The following BCAP29 variants were observed in gnomAD, a reference collection of about 807,000 sequenced individuals.
BCAP29 encodes B cell receptor associated protein 29.
In BCAP29, 34 loss-of-function variants were observed where a neutral mutation model predicts 31.8. The observed-to-expected ratio is 1.07, with a 90% CI of 0.81 to 1.42. The LOEUF (loss-of-function observed/expected upper bound fraction) is 1.42. Among genes scored for constraint, BCAP29 ranks in the 40% most tolerant of loss-of-function variants. The probability of loss-of-function intolerance (pLI) is 0.00; values close to 1 mark genes in which losing one functional copy is unlikely to be tolerated. For synonymous variants in BCAP29, 104 were observed against 91.3 expected (o/e 1.14, Z -0.79); for missense variants, 314 against 269.2 (o/e 1.17, Z -1.16).
intron 6 of BCAP29, among the ~76,000 whole-genome samples, chr7:107,601,458 C>G (rs1811161367): frequency 6.6e-6 from 1 of 152,002 alleles, no homozygotes; most frequent in Non-Finnish European, 1.5e-5. Context: ...CACGTTCCTC[C>G]TTATTATTTC....
intron 6 of BCAP29, among the ~76,000 whole-genome samples, chr7:107,603,122 G>T (rs530909464): frequency 6.6e-6 from 1 of 151,450 alleles, no homozygotes; most frequent in Non-Finnish European, 1.5e-5. Flanking sequence ...GGCGCCTGCC[G>T]CCACGCCTGG....
Position 107,591,641 on chromosome 7 carries a change from T to TACACACACACACACACACACACACACAC in BCAP29, c.194-2298_194-2297insACACACACACACACACACACACACACAC, listed in dbSNP as rs924671499. Among the ~76,000 whole-genome samples the TACACACACACACACACACACACACACAC allele has an allele frequency of 7.8e-3, 326 of 41,654 alleles. 7 individuals carry two copies. The highest frequency in any genetic ancestry group is 8.1e-3 in the African/African-American group (155 of 19,054). The allele number at this position is 41,654 out of a possible 152,430, so 27.3% of individuals were successfully genotyped here. A position where few individuals can be genotyped will look rare whatever the true frequency, so the allele number is the denominator to read the frequency against. Reference sequence around the variant, plus strand: ...TGTACCACTTTTCCCCATACACACATACACACACACACACACCCTATTGGT... The same window carrying TACACACACACACACACACACACACACAC: ...TGTACCACTTTTCCCCATACACACATACACACACACACACACACACACACACACACACACACACACACACCCTATTGGT... On this transcript the variant is annotated intron_variant, in intron 3 of 7. Coordinates refer to ENST00000005259, the MANE Select transcript of BCAP29 (RefSeq NM_018844.4).
intron 5 of BCAP29, among the ~76,000 whole-genome samples, chr7:107,598,507 T>C (rs534238687): frequency 6.6e-6 from 1 of 152,314 alleles, no homozygotes; most frequent in Admixed American, 6.5e-5. Context: ...GGTCTTGTGC[T>C]ACAGTTTTTA....
In BCAP29 at chr7:107,620,357, C is replaced by G. The variant is rs1213793762; in HGVS notation, c.*1994C>G. 1.3e-5 allele frequency: 2 copies of G among 152,160 alleles called. No homozygotes were observed. Among genetic ancestry groups the G allele is most frequent in the Non-Finnish European group, 2.9e-5 (2 of 68,042 alleles). 9.4% of individuals were successfully genotyped at this position (152,160 alleles called of 1,614,324 possible). ...CGGCTGTGGCTCCAGAGTCTGTGCC[C>G]TTTACCACCGTGCCCAACTGTTTCA... On this transcript the variant is annotated 3_prime_UTR_variant, in exon 8 of 8. Coordinates refer to ENST00000005259, the MANE Select transcript of BCAP29 (RefSeq NM_018844.4).
intron 7 of BCAP29, chr7:107,613,642 G>A (rs773819636): frequency 1.9e-6 from 3 of 1,606,476 alleles, no homozygotes; most frequent in African/African-American, 1.4e-5. Flanking sequence ...TTGCTGACTT[G>A]CATACTTACA....
chr7:107,590,239 C>A (rs1808473043), intron 3 of BCAP29, among the ~76,000 whole-genome samples: 1 of 151,922 alleles, frequency 6.6e-6, no homozygotes, highest in African/African-American at 2.4e-5. Context: ...TGAATATTGA[C>A]AGTGAAAAAA....
chr7:107,586,215 G>A (rs1299308919), intron 3 of BCAP29, among the ~76,000 whole-genome samples: 3 of 152,210 alleles, frequency 2.0e-5, no homozygotes, highest in African/African-American at 4.8e-5. Context: ...CTCCAAGGCA[G>A]TAAATGGGTA....
At position 107,618,639 on chromosome 7, in the gene BCAP29, TAAAAG is replaced by T; in HGVS notation, c.*277_*281del. On this transcript the variant is annotated 3_prime_UTR_variant, in exon 8 of 8. Coordinates refer to ENST00000005259, the MANE Select transcript of BCAP29 (RefSeq NM_018844.4). ...TTGGTATATGGTGGCTGTTTACCAA[TAAAAG>T]GAAAAAATTCATTAACCGGTTGCTT... 6.9e-7 allele frequency: 1 copy of T among 1,449,244 alleles called. No homozygotes were observed. Among genetic ancestry groups the T allele is most frequent in the Non-Finnish European group, 9.3e-7 (1 of 1,080,726 alleles). 89.8% of individuals were successfully genotyped at this position (1,449,244 alleles called of 1,614,324 possible). A position where few individuals can be genotyped will look rare whatever the true frequency, so the allele number is the denominator to read the frequency against.
chr7:107,595,162 C>T (rs1809590882), intron 4 of BCAP29, among the ~76,000 whole-genome samples: 1 of 152,190 alleles, frequency 6.6e-6, no homozygotes, highest in South Asian at 2.1e-4. Flanking sequence ...TTCTCAAAGC[C>T]TTCTGTGGCC....
intron 3 of BCAP29, chr7:107,587,569 T>C (rs984308558): frequency 6.6e-6 from 1 of 152,126 alleles, no homozygotes; most frequent in African/African-American, 2.4e-5. Flanking sequence ...GTGGTTGGCA[T>C]GCTCTTACTA....
At position 107,612,437 on chromosome 7, in the gene BCAP29, A is replaced by ATATATATT. The variant is rs771741951; in HGVS notation, c.590-892_590-891insATATTTAT. On this transcript the variant is annotated intron_variant, in intron 6 of 7. Coordinates refer to ENST00000005259, the MANE Select transcript of BCAP29 (RefSeq NM_018844.4). Reference sequence around the variant, plus strand: ...TATATATATATATATATATATATATATATTTATTTTACTTCTATCTAAGGC... The same window carrying ATATATATT: ...TATATATATATATATATATATATATATATATATTTATTTATTTTACTTCTATCTAAGGC... Among the ~76,000 whole-genome samples, 363 of 112,632 alleles carry ATATATATT rather than the reference A, an allele frequency of 3.2e-3. 2 individuals are homozygous for ATATATATT. The highest frequency in any genetic ancestry group is 4.9e-3 in the Non-Finnish European group (274 of 55,838). 73.9% of individuals were successfully genotyped at this position (112,632 alleles called of 152,430 possible).
At chr7:107,607,334 A>G (rs1486214153) in intron 6 of BCAP29, among the ~76,000 whole-genome samples, 1 of 152,038 alleles carries the variant, frequency 6.6e-6, no homozygotes, top group Non-Finnish European at 1.5e-5. Flanking sequence ...ATGTTCTCTG[A>G]TATGTGCCTC....
chr7:107,618,573 A>G lies in BCAP29; in HGVS notation c.*210A>G. The G allele has an allele frequency of 6.3e-7, 1 of 1,596,500 alleles. No homozygotes were observed. The highest frequency in any genetic ancestry group is 1.7e-4 in the Middle Eastern group (1 of 5,786). ...CTGTATTCCAGCTCTTAAGAAAAAT[A>G]TAAGCATGTTAAATACCATATTTAC... is the stretch of plus-strand genomic sequence containing the variant. On this transcript the variant is annotated 3_prime_UTR_variant, in exon 8 of 8. Transcript: ENST00000005259.
At chr7:107,604,216 G>T (rs535682057) in intron 6 of BCAP29, among the ~76,000 whole-genome samples, 8 of 152,010 alleles carry the variant, frequency 5.3e-5, no homozygotes, top group Non-Finnish European at 1.0e-4. Context: ...GACTTACGTT[G>T]AACAAAACTA....
intron 3 of BCAP29, among the ~76,000 whole-genome samples, chr7:107,586,974 G>A (rs1263989630): frequency 6.6e-6 from 1 of 151,804 alleles, no homozygotes; most frequent in African/African-American, 2.4e-5. Context: ...AAAGCGATCC[G>A]CCCACTTCGG....
rs1254076434 is a variant in BCAP29, at chr7:107,619,734, A to G, written c.*1371A>G. On this transcript the variant is annotated 3_prime_UTR_variant, in exon 8 of 8. Coordinates refer to ENST00000005259, the MANE Select transcript of BCAP29 (RefSeq NM_018844.4). ...GAGAACAGAGCAAATGTTAGCTCAA[A>G]GTATAGACTTAGAAATATCAAAGTA... is the stretch of plus-strand genomic sequence containing the variant. 1.3e-5 allele frequency: 2 copies of G among 152,190 alleles called. No individual in the cohort carries two copies. The highest frequency in any genetic ancestry group is 2.9e-5 in the Non-Finnish European group (2 of 68,022). 9.4% of individuals were successfully genotyped at this position (152,190 alleles called of 1,614,324 possible).
chr7:107,585,726 A>G (rs926838283), intron 3 of BCAP29, among the ~76,000 whole-genome samples: 1 of 152,174 alleles, frequency 6.6e-6, no homozygotes, highest in African/African-American at 2.4e-5. Context: ...GCGGCGGCTC[A>G]CCTCTGTAAT....
At chr7:107,614,165 C>T (rs1345231559) in intron 7 of BCAP29, among the ~76,000 whole-genome samples, 1 of 152,212 alleles carries the variant, frequency 6.6e-6, no homozygotes, top group Non-Finnish European at 1.5e-5. Context: ...CAAAATTTGG[C>T]AGCCTTTGTG....
chr7:107,602,507 T>C (rs575604149), intron 6 of BCAP29, among the ~76,000 whole-genome samples: 2 of 152,228 alleles, frequency 1.3e-5, no homozygotes, highest in East Asian at 3.9e-4. Flanking sequence ...GTGACAAGGC[T>C]TAAGAAAGAT....
Sources: gnomAD v4.1 joint callset for allele counts (sites outside exome capture counted in the v4.1 genomes callset) on GRCh38, gnomAD v4.1.1 for gene constraint, MANE v1.5 for transcripts, NCBI Gene and HGNC (gene_info 2026-07-23, HGNC 2026-07-21) for gene names.